Variants in ERC2 observed in about 807,000 individuals in gnomAD.
ERC2 encodes the protein ERC protein 2.
A neutral mutation model predicts 114.8 loss-of-function variants in ERC2; 42 were observed. The ratio of observed to expected loss-of-function variants is 0.37; its 90% confidence interval spans 0.29 to 0.47. ERC2 has a LOEUF of 0.47. Among genes scored for constraint, ERC2 ranks in the 20% least tolerant of loss-of-function variants. ERC2 has a pLI of 0.99. For missense variants in ERC2, 939 were observed against 1,150.7 expected (o/e 0.82, Z 2.66); for synonymous variants, 454 against 425.5 (o/e 1.07, Z -0.82).
chr3:56,297,221 GAAGAAAAAAAAA>G (rs2055503450), intron 2 of ERC2, among the ~76,000 whole-genome samples: 4 of 127,588 alleles, frequency 3.1e-5, no homozygotes, highest in South Asian at 4.8e-4. Flanking sequence ...CTTCACAGAA[GAAGAAAAAAAAA>G]AAGAAAAAAA....
At chr3:55,520,876 A>T (rs1276137386) in intron 17 of ERC2, among the ~76,000 whole-genome samples, 1 of 152,224 alleles carries the variant, frequency 6.6e-6, no homozygotes, top group Admixed American at 6.5e-5. Context: ...AGTCACAGGA[A>T]GACATCTCCC....
chr3:55,936,943 A>C (rs907341890), intron 13 of ERC2, among the ~76,000 whole-genome samples: 2 of 152,218 alleles, frequency 1.3e-5, no homozygotes, highest in Non-Finnish European at 2.9e-5. Flanking sequence ...CATCACCCGA[A>C]ACTTATCAAC....
intron 14 of ERC2, among the ~76,000 whole-genome samples, chr3:55,772,101 A>G (rs2068250012): frequency 6.6e-6 from 1 of 152,224 alleles, no homozygotes; most frequent in Non-Finnish European, 1.5e-5. Context: ...CTAGGCATAC[A>G]GTAAGGCATT....
At chr3:56,244,295 C>T (rs915333167) in intron 3 of ERC2, among the ~76,000 whole-genome samples, 7 of 152,140 alleles carry the variant, frequency 4.6e-5, no homozygotes, top group African/African-American at 1.7e-4. Context: ...CAATTATATA[C>T]ATATTATTTA....
intron 17 of ERC2, among the ~76,000 whole-genome samples, chr3:55,537,941 G>A (rs746089268): frequency 2.6e-5 from 4 of 152,112 alleles, no homozygotes; most frequent in Non-Finnish European, 4.4e-5. Flanking sequence ...CCCCAATTGC[G>A]GACGAGCCCA....
intron 2 of ERC2, among the ~76,000 whole-genome samples, chr3:56,402,588 G>A (rs1481132753): frequency 1.3e-5 from 2 of 152,156 alleles, no homozygotes; most frequent in African/African-American, 2.4e-5. Context: ...CCCACTAACA[G>A]TGATTAGGGT....
chr3:56,215,210 G>A (rs965423645), intron 3 of ERC2, among the ~76,000 whole-genome samples: 75 of 152,116 alleles, frequency 4.9e-4, no homozygotes, highest in African/African-American at 1.7e-3. Context: ...ATTGGATAAA[G>A]AGTCAAGACC....
rs74552755 is a variant in ERC2, at chr3:56,152,499, C to T, written c.1150-3367G>A. 9.2e-3 allele frequency among the ~76,000 whole-genome samples: 1,397 copies of T among 152,158 alleles called. 25 individuals are homozygous for T. The highest frequency in any genetic ancestry group is 0.032 in the African/African-American group (1,340 of 41,526). ...GTTTACTGAGCTCCTGTTCTAAGCCCAGCACTTAAGACAACATCAGTGAAA... is the reference window on the plus strand; with the variant it reads ...GTTTACTGAGCTCCTGTTCTAAGCCTAGCACTTAAGACAACATCAGTGAAA... On this transcript the variant is annotated intron_variant, in intron 4 of 17. Coordinates refer to ENST00000288221, the MANE Select transcript of ERC2 (RefSeq NM_015576.3).
chr3:56,244,990 C>T (rs529573574), intron 3 of ERC2, among the ~76,000 whole-genome samples: 6 of 152,194 alleles, frequency 3.9e-5, no homozygotes, highest in African/African-American at 7.2e-5. Flanking sequence ...TCAGTACAGT[C>T]GCTTGCTGTA....
chr3:55,737,878 C>T (rs1021576382), intron 14 of ERC2, among the ~76,000 whole-genome samples: 1 of 152,108 alleles, frequency 6.6e-6, no homozygotes, highest in Non-Finnish European at 1.5e-5. Flanking sequence ...GGAAGACACG[C>T]TTACTGCCCC....
intron 14 of ERC2, among the ~76,000 whole-genome samples, chr3:55,845,011 C>G (rs1200563072): frequency 1.3e-5 from 2 of 152,150 alleles, no homozygotes; most frequent in Non-Finnish European, 2.9e-5. Context: ...AAGGAGCACT[C>G]AACCCAGGTT....
chr3:56,317,989 G>A (rs1210765597), intron 2 of ERC2, among the ~76,000 whole-genome samples: 1 of 152,184 alleles, frequency 6.6e-6, no homozygotes, highest in Non-Finnish European at 1.5e-5. Flanking sequence ...ATTCCTAAGG[G>A]TCTATAAGAA....
In ERC2 at chr3:56,081,000, A is replaced by G. The variant is rs1457166284; in HGVS notation, c.1474-16T>C. ...GCGCATCTACCTGAAATCAGGAAAAAGACAGAAGGTTGTGGTTTTACAGAA... is the reference window on the plus strand; with the variant it reads ...GCGCATCTACCTGAAATCAGGAAAAGGACAGAAGGTTGTGGTTTTACAGAA... On this transcript the variant is annotated splice_polypyrimidine_tract_variant and intron_variant, in intron 6 of 17. Transcript: ENST00000288221. 6.2e-7 allele frequency: 1 copy of G among 1,610,048 alleles called. No homozygotes were observed. The highest frequency in any genetic ancestry group is 2.2e-5 in the East Asian group (1 of 44,782).
chr3:55,510,143 C>T lies in ERC2; in HGVS notation c.*1173G>A, dbSNP rs1399281405. ...ATGTGCTTTAAATAATGACTGTATC[C>T]ACATACATGTTGTGTAGAGCTATAT... On this transcript the variant is annotated 3_prime_UTR_variant, in exon 18 of 18. Coordinates refer to ENST00000288221, the MANE Select transcript of ERC2 (RefSeq NM_015576.3). 6.6e-6 allele frequency: 1 copy of T among 152,332 alleles called. No homozygotes were observed. Among genetic ancestry groups the T allele is most frequent in the African/African-American group, 2.4e-5 (1 of 41,340 alleles). 9.4% of individuals were successfully genotyped at this position (152,332 alleles called of 1,614,324 possible). A position where few individuals can be genotyped will look rare whatever the true frequency, so the allele number is the denominator to read the frequency against.
chr3:56,202,012 C>T (rs1474455186), intron 3 of ERC2, among the ~76,000 whole-genome samples: 1 of 152,160 alleles, frequency 6.6e-6, no homozygotes, highest in African/African-American at 2.4e-5. Context: ...CTTCCAGTTC[C>T]TGAATCAAAA....
chr3:55,971,886 A>G (rs1462123987), intron 12 of ERC2, among the ~76,000 whole-genome samples: 1 of 152,234 alleles, frequency 6.6e-6, no homozygotes, highest in East Asian at 1.9e-4. Context: ...TGAGTCTTCC[A>G]TATTCCCAGA....
At chr3:56,401,332 T>C (rs1406040447) in intron 2 of ERC2, among the ~76,000 whole-genome samples, 1 of 152,226 alleles carries the variant, frequency 6.6e-6, no homozygotes, top group East Asian at 1.9e-4. Context: ...GTGGTTGACT[T>C]AAACCCAAAT....
chr3:55,714,161 A>G (rs998920554), intron 15 of ERC2, among the ~76,000 whole-genome samples: 6 of 152,198 alleles, frequency 3.9e-5, no homozygotes, highest in Non-Finnish European at 8.8e-5. Flanking sequence ...GGTAAAATTC[A>G]GAAAAGCCTA....
In ERC2 at chr3:55,911,214, C is replaced by T. The variant is rs73075372; in HGVS notation, c.2404-22665G>A. ...AATCACCAACCCAAAGAGAGGAGGA[C>T]GTGGCCCAATGGGAAATAAACCCAA... On this transcript the variant is annotated intron_variant, in intron 13 of 17. Coordinates refer to ENST00000288221, the MANE Select transcript of ERC2 (RefSeq NM_015576.3). 9.9e-3 allele frequency among the ~76,000 whole-genome samples: 1,501 copies of T among 152,232 alleles called. 9 individuals are homozygous for T. The highest frequency in any genetic ancestry group is 0.02 in the Middle Eastern group (6 of 294).
Sources: gnomAD v4.1 joint callset for allele counts (sites outside exome capture counted in the v4.1 genomes callset) on GRCh38, gnomAD v4.1.1 for gene constraint, MANE v1.5 for transcripts, NCBI Gene and HGNC (gene_info 2026-07-23, HGNC 2026-07-21) for gene names.